CACNA2D1: variants seen among roughly 807,000 people sequenced by gnomAD.
CACNA2D1 encodes the protein voltage-dependent calcium channel subunit alpha-2/delta-1.
A neutral mutation model predicts 171.5 loss-of-function variants in CACNA2D1; 53 were observed. The ratio of observed to expected loss-of-function variants is 0.31; its 90% CI spans 0.25 to 0.39. The LOEUF (loss-of-function observed/expected upper bound fraction) is 0.39. Ranked by LOEUF, CACNA2D1 falls within the 10% of genes least tolerant of loss-of-function variation. CACNA2D1 has a pLI of 1.00. For synonymous variants in CACNA2D1, 442 were observed against 443.1 expected, an observed-to-expected ratio of 1.00 and a Z score of 0.03; for missense variants, 903 against 1,299.8, an observed-to-expected ratio of 0.69 and a Z score of 4.69.
chr7:82,066,650 TGAGA>T, intron 7 of CACNA2D1, 126 bp from the exon 8 acceptor site: 1 of 1,363,294 alleles, frequency 7.3e-7, no homozygotes, highest in Non-Finnish European at 9.8e-7. Flanking sequence ...AATGTTCAAA[TGAGA>T]GATATCATTT....
chr7:82,079,566 T>A (rs1809431565), intron 7 of CACNA2D1, among the ~76,000 whole-genome samples: 1 of 151,388 alleles, frequency 6.6e-6, no homozygotes, highest in African/African-American at 2.4e-5. Flanking sequence ...GTGGCATGCA[T>A]CTGTAATCCC....
At position 82,057,831 on chromosome 7, in the gene CACNA2D1, A is replaced by T. The variant is rs746093557; in HGVS notation, c.879+2597T>A. Among the ~76,000 whole-genome samples, 73 of 152,118 alleles carry T rather than the reference A, an allele frequency of 4.8e-4. 1 individual carries two copies. The highest frequency in any genetic ancestry group is 5.1e-4 in the Non-Finnish European group (35 of 68,016). On this transcript the variant is annotated intron_variant, in intron 10 of 38. Transcript: ENST00000356860. Reference sequence around the variant, plus strand: ...ACAGGAGTTGGCCAAGGCTGCAGGGAAATTAGGAAAGGTATTAGAGGAAAG... The same window carrying T: ...ACAGGAGTTGGCCAAGGCTGCAGGGTAATTAGGAAAGGTATTAGAGGAAAG...
intron 30 of CACNA2D1, 100 bp from the exon 31 acceptor site, chr7:81,967,307 G>A (rs553764061): frequency 5.9e-6 from 6 of 1,023,204 alleles, no homozygotes; most frequent in Non-Finnish European, 9.0e-6. Context: ...AATTTATCCA[G>A]TAGAAAAATA....
chr7:82,224,057 C>T (rs1254807906), intron 3 of CACNA2D1, among the ~76,000 whole-genome samples: 1 of 152,112 alleles, frequency 6.6e-6, no homozygotes, highest in African/African-American at 2.4e-5. Context: ...TACTTTAGGC[C>T]TCTGCTCACA....
At chr7:82,035,815 T>C (rs1385144213) in intron 11 of CACNA2D1, among the ~76,000 whole-genome samples, 8 of 152,154 alleles carry the variant, frequency 5.3e-5, no homozygotes, top group Non-Finnish European at 1.2e-4. Flanking sequence ...CCATATTCCT[T>C]TACTAGAGGA....
At chr7:82,353,028 A>G (rs952801050) in intron 1 of CACNA2D1, among the ~76,000 whole-genome samples, 13 of 152,202 alleles carry the variant, frequency 8.5e-5, no homozygotes, top group African/African-American at 3.1e-4. Context: ...GAGTAAAAAG[A>G]TCATGTAAAT....
At chr7:82,317,062 C>T (rs979227877) in intron 3 of CACNA2D1, among the ~76,000 whole-genome samples, 1 of 152,126 alleles carries the variant, frequency 6.6e-6, no homozygotes, top group Non-Finnish European at 1.5e-5. Flanking sequence ...GTTAGGCAGA[C>T]CCCAGTCTTT....
At chr7:82,206,674 G>A in intron 3 of CACNA2D1, among the ~76,000 whole-genome samples, 1 of 151,998 alleles carries the variant, frequency 6.6e-6, no homozygotes, top group East Asian at 1.9e-4. Context: ...GGTAACCAAT[G>A]CTTTTGGTAG....
At chr7:82,374,026 T>C (rs957396359) in intron 1 of CACNA2D1, among the ~76,000 whole-genome samples, 2 of 152,198 alleles carry the variant, frequency 1.3e-5, no homozygotes, top group Admixed American at 6.6e-5. Context: ...CTTCCTTCTG[T>C]TGCCAGCTAA....
chr7:81,990,179 C>T (rs1797399951), intron 21 of CACNA2D1, among the ~76,000 whole-genome samples: 1 of 152,024 alleles, frequency 6.6e-6, no homozygotes, highest in Admixed American at 6.6e-5. Flanking sequence ...TTTCCATGGA[C>T]CTAGCCAATT....
chr7:82,032,866 A>G lies in CACNA2D1; in HGVS notation c.1074T>C (p.Ile358=), dbSNP rs973445005. 1.6e-5 allele frequency: 25 copies of G among 1,602,090 alleles called. No individual in the cohort carries two copies. The highest frequency in any genetic ancestry group is 1.9e-5 in the Non-Finnish European group (22 of 1,169,992). Residue 358 remains isoleucine (I), a synonymous_variant, in exon 12 of 39, where the codon ATT becomes ATC. Transcript: ENST00000356860. ...NVSRANCNKI[I]MLFTDGGEER... is the part of the protein sequence containing the mutation. The stretch of plus-strand genomic sequence containing the variant: ...CTTCTCCTCCATCCGTGAATAGCAT[A>G]ATAATCTTATTGCAGTTTGCTCTGG...
At chr7:81,952,768 A>G (rs1792757861) in intron 38 of CACNA2D1, among the ~76,000 whole-genome samples, 1 of 151,886 alleles carries the variant, frequency 6.6e-6, no homozygotes. Flanking sequence ...CCCCAGTCCT[A>G]TGGCTTTAAT....
chr7:82,075,797 A>C (rs927506759), intron 7 of CACNA2D1, among the ~76,000 whole-genome samples: 3 of 152,200 alleles, frequency 2.0e-5, no homozygotes, highest in Non-Finnish European at 4.4e-5. Context: ...AGTATACTGA[A>C]CATAAATGAA....
chr7:82,427,263 G>A (rs573851479), intron 1 of CACNA2D1, among the ~76,000 whole-genome samples: 15 of 152,268 alleles, frequency 9.9e-5, no homozygotes, highest in African/African-American at 3.6e-4. Flanking sequence ...CTTTCAGAAA[G>A]GAGAAACTTA....
intron 1 of CACNA2D1, among the ~76,000 whole-genome samples, chr7:82,378,294 A>C (rs1009489497): frequency 2.0e-5 from 3 of 152,074 alleles, no homozygotes; most frequent in African/African-American, 7.2e-5. Context: ...AGCTACTAAG[A>C]AGGCTGAGGC....
chr7:82,042,254 G>A lies in CACNA2D1; in HGVS notation c.880-4019C>T, dbSNP rs536329224. On this transcript the variant is annotated intron_variant, in intron 10 of 38. Coordinates refer to ENST00000356860, the MANE Select transcript of CACNA2D1 (RefSeq NM_000722.4). ...TATCTTAGACTCATCAGCTTATATC[G>A]TATTATGTATGTTTTAAAAATAGGT... Among the ~76,000 whole-genome samples, 21 of 152,190 alleles carry A rather than the reference G, an allele frequency of 1.4e-4. No homozygotes were observed. The South Asian group carries it at 2.9e-3, about 21-fold the overall frequency.
At position 82,060,607 on chromosome 7, in the gene CACNA2D1, C is replaced by T. The variant is rs1289544497; in HGVS notation, c.780-80G>A. ...ACATCATAAGGAAAGATAATGTATG[C>T]ACTGACCCTAGATCTTTTATATATT... On this transcript the variant is annotated intron_variant, in intron 9 of 38. Coordinates refer to ENST00000356860, the MANE Select transcript of CACNA2D1 (RefSeq NM_000722.4). The T allele has an allele frequency of 7.3e-6, 6 of 827,046 alleles. No individual in the cohort carries two copies. The East Asian group carries it at 1.6e-4, about 21-fold the overall frequency. The allele number at this position is 827,046 out of a possible 1,614,324, so 51.2% of individuals were successfully genotyped here. A position where few individuals can be genotyped will look rare whatever the true frequency, so the allele number is the denominator to read the frequency against.
At chr7:82,126,910 T>C (rs1790390280) in intron 5 of CACNA2D1, among the ~76,000 whole-genome samples, 1 of 152,236 alleles carries the variant, frequency 6.6e-6, no homozygotes. Context: ...TCTCAGGGGC[T>C]GGCTTTCTGT....
At chr7:82,251,380 T>G (rs38555) in intron 3 of CACNA2D1, among the ~76,000 whole-genome samples, 113,424 of 152,108 alleles carry the variant, frequency 0.75, 43,448 homozygotes, top group African/African-American at 0.92. Context: ...ATCTTGATAG[T>G]AATTTGTTAT....
Sources: gnomAD v4.1 joint callset for allele counts (sites outside exome capture counted in the v4.1 genomes callset) on GRCh38, gnomAD v4.1.1 for gene constraint, MANE v1.5 for transcripts, NCBI Gene and HGNC (gene_info 2026-07-23, HGNC 2026-07-21) for gene names.